CUX1: variants seen among roughly 807,000 people sequenced by gnomAD.
CUX1 encodes the protein protein CASP.
Under a neutral mutation model 158.8 loss-of-function variants are expected in CUX1, and 31 were observed. That is an observed-to-expected ratio of 0.20 (90% CI 0.15 to 0.26). The LOEUF (loss-of-function observed/expected upper bound fraction) is 0.26. Ranked by LOEUF, CUX1 falls within the 10% of genes least tolerant of loss-of-function variation. CUX1 has a pLI of 1.00. For synonymous variants in CUX1, 879 were observed against 862.1 expected (o/e 1.02, Z -0.34); for missense variants, 1,589 against 2,014.6 (o/e 0.79, Z 4.04).
At chr7:101,910,082 G>A (rs938221707) in intron 1 of CUX1, among the ~76,000 whole-genome samples, 5 of 152,094 alleles carry the variant, frequency 3.3e-5, no homozygotes, top group African/African-American at 1.2e-4. Context: ...ACCATGCCCA[G>A]CTAATTTTTT....
intron 4 of CUX1, among the ~76,000 whole-genome samples, chr7:102,070,805 C>T (rs534484826): frequency 6.0e-4 from 92 of 152,304 alleles, no homozygotes; most frequent in African/African-American, 2.1e-3. Context: ...CCTACTAAGA[C>T]ACCTGGAGTG....
At chr7:102,070,266 A>G in intron 3 of CUX1, 73 bp from the exon 4 acceptor site, 1 of 1,285,062 alleles carries the variant, frequency 7.8e-7, no homozygotes, top group Non-Finnish European at 1.1e-6. Context: ...CTAGATGTGT[A>G]ATGCTTTGTA....
At chr7:101,972,086 C>T (rs2129194791) in intron 2 of CUX1, among the ~76,000 whole-genome samples, 1 of 152,336 alleles carries the variant, frequency 6.6e-6, no homozygotes, top group East Asian at 1.9e-4. Context: ...CCTGCCTCAG[C>T]CTCCCAAGAC....
intron 13 of CUX1, 54 bp from the exon 14 acceptor site, chr7:102,195,453 G>C: frequency 6.9e-7 from 1 of 1,459,002 alleles, no homozygotes; most frequent in South Asian, 1.2e-5. Context: ...TGGTGGCCCC[G>C]GGAGCGGGTG....
At chr7:102,024,902 C>T (rs947789544) in intron 2 of CUX1, among the ~76,000 whole-genome samples, 1 of 152,178 alleles carries the variant, frequency 6.6e-6, no homozygotes, top group African/African-American at 2.4e-5. Flanking sequence ...TGGCTTAAAA[C>T]AACAGAAATT....
At chr7:102,045,317 G>A (rs370062137) in intron 3 of CUX1, among the ~76,000 whole-genome samples, 127 of 152,354 alleles carry the variant, frequency 8.3e-4, no homozygotes, top group South Asian at 7.2e-3. Flanking sequence ...TTGAGGCTAA[G>A]TCCATGATCT....
At chr7:102,039,942 G>A (rs534163186) in intron 3 of CUX1, among the ~76,000 whole-genome samples, 3 of 152,098 alleles carry the variant, frequency 2.0e-5, no homozygotes, top group Non-Finnish European at 4.4e-5. Context: ...TTCCCTTTGT[G>A]CTGAATGTCT....
chr7:101,955,983 C>T (rs1202134529), intron 2 of CUX1, among the ~76,000 whole-genome samples: 3 of 151,700 alleles, frequency 2.0e-5, no homozygotes, highest in Non-Finnish European at 4.4e-5. Context: ...GGGGATGAGA[C>T]CATCCTGGCT....
At chr7:102,165,036 G>A (rs975724948) in intron 9 of CUX1, among the ~76,000 whole-genome samples, 6 of 152,264 alleles carry the variant, frequency 3.9e-5, no homozygotes, top group Admixed American at 3.3e-4. Flanking sequence ...GACGGTGAGG[G>A]TTCTCTCTTG....
At chr7:102,125,825 A>T (rs1832574354) in intron 8 of CUX1, 2 of 146,026 alleles carry the variant, frequency 1.4e-5, no homozygotes, top group African/African-American at 5.0e-5. Flanking sequence ...ATTTTATTTT[A>T]TTTTATTTTA....
intron 2 of CUX1, among the ~76,000 whole-genome samples, chr7:101,992,823 T>C (rs1247202732): frequency 6.6e-6 from 1 of 151,530 alleles, no homozygotes; most frequent in Non-Finnish European, 1.5e-5. Context: ...TATTTGGAGT[T>C]TTTTTATTGT....
Position 102,257,744 on chromosome 7 carries a change from T to C in CUX1, c.*8702T>C, listed in dbSNP as rs1554542573. The C allele has an allele frequency of 8.1e-6, 8 of 985,370 alleles. No homozygotes were observed. The South Asian group carries it at 3.8e-4, about 46-fold the overall frequency. The allele number at this position is 985,370 out of a possible 1,614,324, so 61.0% of individuals were successfully genotyped here. The stretch of plus-strand genomic sequence containing the variant: ...CCCACTCTAGCGTTTTGTCACGTCT[T>C]ACATTTTAGCAGTATTTTATATTTT... On this transcript the variant is annotated 3_prime_UTR_variant, in exon 24 of 24. Transcript: ENST00000292535.
Position 102,227,689 on chromosome 7 carries a change from G to A in CUX1, c.3433+20G>A, listed in dbSNP as rs1554529171. On this transcript the variant is annotated intron_variant, in intron 21 of 23. Transcript: ENST00000292535. Reference sequence around the variant, plus strand: ...ACCTCGGTAGGTTCTCCTCTCGGCTGCTGAGTCAGGAGGTGGCAGGGAGTT... The same window carrying A: ...ACCTCGGTAGGTTCTCCTCTCGGCTACTGAGTCAGGAGGTGGCAGGGAGTT... 10 of 1,594,456 alleles carry A rather than the reference G, an allele frequency of 6.3e-6. No homozygotes were observed. Among genetic ancestry groups the A allele is most frequent in the Non-Finnish European group, 8.6e-6 (10 of 1,168,048 alleles).
At position 101,852,049 on chromosome 7, in the gene CUX1, T is replaced by C. The variant is rs150346166; in HGVS notation, c.30+34380T>C. On this transcript the variant is annotated intron_variant, in intron 1 of 23. Transcript: ENST00000292535. ...CTCACTATGTTGCCCGGACTGGCCT[T>C]GAACTCCTGGTCTCAAGCAGTCCTC... Among the ~76,000 whole-genome samples, 751 of 151,830 alleles carry C rather than the reference T, an allele frequency of 4.9e-3. 2 individuals carry two copies. Among genetic ancestry groups the C allele is most frequent in the African/African-American group, 0.017 (718 of 41,462 alleles).
intron 1 of CUX1, among the ~76,000 whole-genome samples, chr7:101,914,116 T>C (rs1433880595): frequency 3.3e-5 from 5 of 152,034 alleles, no homozygotes; most frequent in Non-Finnish European, 7.4e-5. Context: ...TCTATCAAAA[T>C]GTTCAGTGTT....
At chr7:102,115,303 C>A (rs1332322138) in intron 8 of CUX1, 30 bp downstream of exon 8, 2 of 1,596,174 alleles carry the variant, frequency 1.3e-6, no homozygotes, top group East Asian at 4.5e-5. Context: ...CTCCCTTATC[C>A]GTACACATTT....
At chr7:102,156,695 C>T (rs1206671883) in intron 8 of CUX1, among the ~76,000 whole-genome samples, 2 of 152,108 alleles carry the variant, frequency 1.3e-5, no homozygotes, top group Non-Finnish European at 2.9e-5. Context: ...GAGCAGGTTT[C>T]GGAAGGATAG....
intron 3 of CUX1, among the ~76,000 whole-genome samples, chr7:102,062,778 G>A (rs1245798814): frequency 6.6e-6 from 1 of 151,532 alleles, no homozygotes; most frequent in Admixed American, 6.6e-5. Flanking sequence ...TGGGATTATA[G>A]GCGTGAGCCA....
intron 8 of CUX1, among the ~76,000 whole-genome samples, chr7:102,152,184 C>A (rs559031285): frequency 5.9e-5 from 9 of 152,158 alleles, no homozygotes; most frequent in Non-Finnish European, 1.0e-4. Context: ...CTCTAAAAAA[C>A]AAATTTTTCT....
Sources: gnomAD v4.1 joint callset for allele counts (sites outside exome capture counted in the v4.1 genomes callset) on GRCh38, gnomAD v4.1.1 for gene constraint, MANE v1.5 for transcripts, NCBI Gene and HGNC (gene_info 2026-07-23, HGNC 2026-07-21) for gene names.